LYG2: variants seen among roughly 807,000 people sequenced by gnomAD.
LYG2 encodes the protein lysozyme g2.
LYG2 carries 25 observed loss-of-function variants against 22.4 expected under a neutral mutation model. The ratio of observed to expected loss-of-function variants is 1.12; its 90% CI spans 0.81 to 1.56. LYG2 has a LOEUF of 1.56. Among genes scored for constraint, LYG2 ranks in the 40% most tolerant of loss-of-function variants. LYG2 has a pLI of 0.00. For synonymous variants in LYG2, 88 were observed against 97.0 expected (o/e 0.91, Z 0.55); for missense variants, 266 against 269.5 (o/e 0.99, Z 0.09).
upstream of LYG2, among the ~76,000 whole-genome samples, chr2:99,259,959 CTT>C (rs56186823): frequency 0.38 from 43,738 of 115,286 alleles, 7,519 homozygotes; most frequent in East Asian, 0.63. Context: ...CAAAAGTAAA[CTT>C]TTTTTTTTTT....
At chr2:99,250,752 C>T (rs1296280345) in intron 3 of LYG2, among the ~76,000 whole-genome samples, 1 of 152,168 alleles carries the variant, frequency 6.6e-6, no homozygotes, top group Admixed American at 6.5e-5. Context: ...AGGAAATAGG[C>T]TGTCACACAC....
At chr2:99,260,887 T>G in the LYG2 span, among the ~76,000 whole-genome samples, 1 of 152,220 alleles carries the variant, frequency 6.6e-6, no homozygotes, top group Non-Finnish European at 1.5e-5. Flanking sequence ...TAATGATTTT[T>G]AAGTCCTTTG....
At chr2:99,243,826 G>A in intron 6 of LYG2, 173 bp downstream of exon 6, 1 of 681,248 alleles carries the variant, frequency 1.5e-6, no homozygotes, top group Non-Finnish European at 2.5e-6. Flanking sequence ...TGAGGATGGA[G>A]GACCTCTCAA....
intron 6 of LYG2, chr2:99,243,584 G>A: frequency 8.1e-7 from 1 of 1,236,982 alleles, no homozygotes; most frequent in Non-Finnish European, 1.1e-6. Flanking sequence ...CTCCCAGGCT[G>A]GAGTGCAGTG....
At chr2:99,256,126 C>T (rs1173267721), upstream of LYG2, among the ~76,000 whole-genome samples, 1 of 152,150 alleles carries the variant, frequency 6.6e-6, no homozygotes, top group Non-Finnish European at 1.5e-5. Flanking sequence ...GAAGACAAAA[C>T]CACAGGCAAC....
rs766446478 is a variant in LYG2, at chr2:99,246,831, GA to G, written c.44-12del. On this transcript the variant is annotated splice_polypyrimidine_tract_variant and intron_variant, in intron 3 of 6. Transcript: ENST00000333017. ...AGCCCCTGGAAGTGCCTAGGAGGCA[GA>G]AGTGTAACTCACATGAATCCTCTGA... The G allele has an allele frequency of 6.2e-7, 1 of 1,607,718 alleles. No homozygotes were observed. The highest frequency in any genetic ancestry group is 1.1e-5 in the South Asian group (1 of 89,594).
chr2:99,249,426 CAA>C (rs74617660), intron 3 of LYG2, among the ~76,000 whole-genome samples: 22 of 92,546 alleles, frequency 2.4e-4, no homozygotes, highest in Middle Eastern at 7.1e-3. Flanking sequence ...TCTCAAATCT[CAA>C]AAAAAAAAAA....
chr2:99,244,189 T>C (rs2094011803), intron 5 of LYG2, 52 bp from the exon 6 acceptor site: 5 of 1,571,680 alleles, frequency 3.2e-6, no homozygotes, highest in Non-Finnish European at 4.3e-6. Flanking sequence ...ACACATTTTT[T>C]CTGCCATTCC....
At chr2:99,255,684 C>T (rs928337207), upstream of LYG2, among the ~76,000 whole-genome samples, 3 of 152,054 alleles carry the variant, frequency 2.0e-5, no homozygotes, top group African/African-American at 7.2e-5. Context: ...GATCTCAAAC[C>T]ACTATGTCAC....
chr2:99,252,935 T>A (rs984663989), intron 3 of LYG2, among the ~76,000 whole-genome samples: 1 of 149,936 alleles, frequency 6.7e-6, no homozygotes, highest in African/African-American at 2.5e-5. Context: ...TAGTCCCAGC[T>A]ACTTGGGAGG....
At chr2:99,246,310 C>T (rs1053455810) in intron 4 of LYG2, among the ~76,000 whole-genome samples, 8 of 152,080 alleles carry the variant, frequency 5.3e-5, no homozygotes, top group African/African-American at 1.4e-4. Context: ...CTGCCAGCTC[C>T]GACACTCTAA....
At chr2:99,247,306 G>C (rs2094017799) in intron 3 of LYG2, among the ~76,000 whole-genome samples, 1 of 152,076 alleles carries the variant, frequency 6.6e-6, no homozygotes, top group African/African-American at 2.4e-5. Context: ...GCCCAAGCTA[G>C]TCTCAAACTC....
chr2:99,257,678 C>T (rs2094038702), upstream of LYG2, among the ~76,000 whole-genome samples: 1 of 152,138 alleles, frequency 6.6e-6, no homozygotes, highest in African/African-American at 2.4e-5. Flanking sequence ...TGGCCTGGTC[C>T]CCTACCCCTC....
At chr2:99,247,466 G>A (rs1422233113) in intron 3 of LYG2, among the ~76,000 whole-genome samples, 5 of 150,930 alleles carry the variant, frequency 3.3e-5, no homozygotes, top group Non-Finnish European at 5.9e-5. Flanking sequence ...GATTCAGGGG[G>A]TACATGTGCA....
chr2:99,243,489 A>ATAG (rs2094009875), intron 6 of LYG2: 17 of 1,327,736 alleles, frequency 1.3e-5, no homozygotes, highest in Admixed American at 6.6e-5. Context: ...GAGGTAGGCA[A>ATAG]ACAGATAGAT....
intron 3 of LYG2, among the ~76,000 whole-genome samples, chr2:99,249,965 C>T (rs1032757468): frequency 6.6e-6 from 1 of 152,036 alleles, no homozygotes; most frequent in African/African-American, 2.4e-5. Context: ...AGTCTTCTCT[C>T]TTAACCTTCC....
At chr2:99,242,880 A>C (rs748964095) in intron 6 of LYG2, among the ~76,000 whole-genome samples, 26 of 152,224 alleles carry the variant, frequency 1.7e-4, no homozygotes, top group Non-Finnish European at 3.7e-4. Flanking sequence ...ACTATGTGCC[A>C]GGAGAGGTGC....
rs34685261 is a variant in LYG2, at chr2:99,247,090, C to CT, written c.44-271dup. Among the ~76,000 whole-genome samples, 319 of 151,310 alleles carry CT rather than the reference C, an allele frequency of 2.1e-3. 1 individual carries two copies. The highest frequency in any genetic ancestry group is 7.1e-3 in the African/African-American group (293 of 41,236). On this transcript the variant is annotated intron_variant, in intron 3 of 6. Transcript: ENST00000333017. Reference sequence around the variant, plus strand: ...TATAGATCCTAAATACATGTGCAGTCTTTTTTTTTCCTTTTTTTAAGAGAC... The same window carrying CT: ...TATAGATCCTAAATACATGTGCAGTCTTTTTTTTTTCCTTTTTTTAAGAGAC...
intron 2 of LYG2, among the ~76,000 whole-genome samples, chr2:99,254,522 C>G (rs2094032567): frequency 6.6e-6 from 1 of 152,106 alleles, no homozygotes; most frequent in Non-Finnish European, 1.5e-5. Context: ...TCATGCGTAT[C>G]TTACATATGT....
Sources: gnomAD v4.1 joint callset for allele counts (sites outside exome capture counted in the v4.1 genomes callset) on GRCh38, gnomAD v4.1.1 for gene constraint, MANE v1.5 for transcripts, NCBI Gene and HGNC (gene_info 2026-07-23, HGNC 2026-07-21) for gene names.